DCTD: variants seen among roughly 807,000 people sequenced by gnomAD.
The protein encoded by DCTD is dCMP deaminase.
A neutral mutation model predicts 21.0 loss-of-function variants in DCTD; 23 were observed. The observed-to-expected ratio is 1.09, with a 90% CI of 0.79 to 1.55. DCTD has a LOEUF of 1.55. Ranked by LOEUF, DCTD falls within the 40% of genes most tolerant of loss-of-function variation. The pLI, the probability that DCTD is intolerant of heterozygous loss-of-function variation, is 0.00. For synonymous variants in DCTD, 71 were observed against 81.1 expected, an observed-to-expected ratio of 0.88 and a Z score of 0.67; for missense variants, 224 against 230.0, an observed-to-expected ratio of 0.97 and a Z score of 0.17.
chr4:182,913,569 C>A (rs987180887), intron 3 of DCTD, among the ~76,000 whole-genome samples: 2 of 152,162 alleles, frequency 1.3e-5, no homozygotes, highest in Non-Finnish European at 2.9e-5. Context: ...ATGAGAAAAA[C>A]CCAGAAGAAA....
chr4:182,908,498 A>G (rs1737102456), intron 3 of DCTD, among the ~76,000 whole-genome samples: 1 of 152,080 alleles, frequency 6.6e-6, no homozygotes, highest in Middle Eastern at 3.2e-3. Flanking sequence ...CCTGGCCAAC[A>G]TGGTGAAACC....
At chr4:182,895,031 C>A (rs555096309) in intron 3 of DCTD, among the ~76,000 whole-genome samples, 2 of 152,346 alleles carry the variant, frequency 1.3e-5, no homozygotes, top group East Asian at 3.9e-4. Context: ...CGTGTCCATC[C>A]TGAGGGATCT....
chr4:182,904,167 A>G (rs956476557), intron 3 of DCTD, among the ~76,000 whole-genome samples: 4 of 152,126 alleles, frequency 2.6e-5, no homozygotes, highest in East Asian at 1.9e-4. Context: ...CTTAGCCCCA[A>G]TGGTAGTGCT....
intron 3 of DCTD, among the ~76,000 whole-genome samples, chr4:182,898,295 G>A (rs911643328): frequency 6.6e-6 from 1 of 152,214 alleles, no homozygotes; most frequent in African/African-American, 2.4e-5. Flanking sequence ...GCCAGCGAGT[G>A]TGGACAAAGA....
At chr4:182,907,130 G>A (rs78976455) in intron 3 of DCTD, among the ~76,000 whole-genome samples, 1,830 of 152,224 alleles carry the variant, frequency 0.012, 11 homozygotes, top group Non-Finnish European at 0.018. Context: ...CTTAGACATA[G>A]GATCTTTTTC....
chr4:182,914,807 C>T (rs2152864884), intron 3 of DCTD, 116 bp downstream of exon 3: 1 of 1,232,720 alleles, frequency 8.1e-7, no homozygotes, highest in Non-Finnish European at 1.2e-6. Context: ...CAGTAGGATA[C>T]TTTTCTTTCC....
At chr4:182,908,036 TA>T (rs35563105) in intron 3 of DCTD, among the ~76,000 whole-genome samples, 258 of 142,924 alleles carry the variant, frequency 1.8e-3, no homozygotes, top group Non-Finnish European at 1.6e-3. Flanking sequence ...CTATCCAGAT[TA>T]AAAAAAAAAA....
chr4:182,915,949 A>G lies in DCTD; in HGVS notation c.-7-374T>C, dbSNP rs1738655859. The G allele has an allele frequency of 3.2e-6, 3 of 950,158 alleles. 1 individual carries two copies. Among genetic ancestry groups the G allele is most frequent in the South Asian group, 6.6e-5 (2 of 30,164 alleles). The allele number at this position is 950,158 out of a possible 1,614,324, so 58.9% of individuals were successfully genotyped here. A position where few individuals can be genotyped will look rare whatever the true frequency, so the allele number is the denominator to read the frequency against. ...AAAAAGAAATATTTATTGATCATCT[A>G]TAGATTCCAGACATTGTTAAAGTTT... is the stretch of plus-strand genomic sequence containing the variant. On this transcript the variant is annotated intron_variant, in intron 1 of 5. Coordinates refer to ENST00000438320, the MANE Select transcript of DCTD (RefSeq NM_001921.3).
intron 3 of DCTD, among the ~76,000 whole-genome samples, chr4:182,896,395 G>A (rs1734734929): frequency 6.6e-6 from 1 of 152,214 alleles, no homozygotes. Flanking sequence ...CAAATTCCAT[G>A]TTTTAGGAGA....
At chr4:182,901,514 G>A (rs925778791) in intron 3 of DCTD, among the ~76,000 whole-genome samples, 2 of 152,194 alleles carry the variant, frequency 1.3e-5, no homozygotes, top group African/African-American at 4.8e-5. Flanking sequence ...GGGGTCAGAA[G>A]GCCAGGCATG....
chr4:182,906,377 C>G (rs1220350789), intron 3 of DCTD, among the ~76,000 whole-genome samples: 1 of 152,158 alleles, frequency 6.6e-6, no homozygotes. Flanking sequence ...AATTAGTCTG[C>G]AAACTCTTCA....
intron 3 of DCTD, among the ~76,000 whole-genome samples, chr4:182,906,049 C>T (rs76117760): frequency 0.016 from 2,376 of 152,182 alleles, 58 homozygotes; most frequent in African/African-American, 0.054. Context: ...CCCACCCCCT[C>T]CAAGGCCCTC....
At chr4:182,894,351 G>A (rs1235679508) in intron 4 of DCTD, 138 bp downstream of exon 4, 8 of 593,998 alleles carry the variant, frequency 1.3e-5, no homozygotes, top group East Asian at 5.7e-5. Context: ...AACAAAACAC[G>A]GGAAATATCT....
intron 3 of DCTD, among the ~76,000 whole-genome samples, chr4:182,910,170 T>C (rs1737427838): frequency 6.6e-6 from 1 of 152,066 alleles, no homozygotes; most frequent in Non-Finnish European, 1.5e-5. Context: ...CCCTGGTCCA[T>C]TGGGTGGGAT....
rs762402306 is a variant in DCTD at position 182,916,719 on chromosome 4, G to T, written c.-8+592C>A. 29 of 1,066,352 alleles carry T rather than the reference G, an allele frequency of 2.7e-5. 1 individual carries two copies. In the South Asian group the frequency reaches 6.2e-4, roughly 23 times the overall value. The allele number at this position is 1,066,352 out of a possible 1,614,324, so 66.1% of individuals were successfully genotyped here. A position where few individuals can be genotyped will look rare whatever the true frequency, so the allele number is the denominator to read the frequency against. On this transcript the variant is annotated intron_variant, in intron 1 of 5. Transcript: ENST00000438320. ...ATCATCGCTGTGGGGTGCTGGAGAAGTACCTACTAAATAGGAGGGAGGGGG... is the reference window on the plus strand; with the variant it reads ...ATCATCGCTGTGGGGTGCTGGAGAATTACCTACTAAATAGGAGGGAGGGGG...
At chr4:182,916,653 G>C in intron 1 of DCTD, 1 of 1,010,282 alleles carries the variant, frequency 9.9e-7, no homozygotes, top group Non-Finnish European at 1.2e-6. Flanking sequence ...GACAGGTGCT[G>C]AATCAGCCTG....
In DCTD at chr4:182,902,963, T is replaced by C. The variant is rs545449475; in HGVS notation, c.245-8358A>G. ...CATTGTTTCTGTAGAAAAATGTATG[T>C]GGATTACAAATGTTTTTTCAGGACA... is the stretch of plus-strand genomic sequence containing the variant. On this transcript the variant is annotated intron_variant, in intron 3 of 5. Coordinates refer to ENST00000438320, the MANE Select transcript of DCTD (RefSeq NM_001921.3). 2.4e-4 allele frequency among the ~76,000 whole-genome samples: 37 copies of C among 152,362 alleles called. 2 individuals are homozygous for C. Among genetic ancestry groups the C allele is most frequent in the African/African-American group, 1.2e-4 (5 of 41,588 alleles).
chr4:182,906,869 C>T lies in DCTD; in HGVS notation c.244+8054G>A, dbSNP rs550010382. On this transcript the variant is annotated intron_variant, in intron 3 of 5. Coordinates refer to ENST00000438320, the MANE Select transcript of DCTD (RefSeq NM_001921.3). Reference sequence around the variant, plus strand: ...TACACCTCCACTAATTGGTTGGCACCGACCCTTCAGACAGCATCAGCAAGG... The same window carrying T: ...TACACCTCCACTAATTGGTTGGCACTGACCCTTCAGACAGCATCAGCAAGG... Among the ~76,000 whole-genome samples the T allele has an allele frequency of 3.0e-4, 46 of 152,274 alleles. 1 individual carries two copies. In the South Asian group the frequency reaches 8.7e-3, roughly 29 times the overall value.
At chr4:182,912,268 T>C (rs1383873859) in intron 3 of DCTD, among the ~76,000 whole-genome samples, 3 of 152,150 alleles carry the variant, frequency 2.0e-5, no homozygotes, top group Admixed American at 6.5e-5. Flanking sequence ...AGACAACAAG[T>C]GTACAGTTTA....
Sources: gnomAD v4.1 joint callset for allele counts (sites outside exome capture counted in the v4.1 genomes callset) on GRCh38, gnomAD v4.1.1 for gene constraint, MANE v1.5 for transcripts, NCBI Gene and HGNC (gene_info 2026-07-23, HGNC 2026-07-21) for gene names.